Variants in BCAN observed in about 807,000 individuals in gnomAD.
The protein encoded by BCAN is brevican.
A neutral mutation model predicts 92.4 loss-of-function variants in BCAN; 51 were observed. That is an observed-to-expected ratio of 0.55 (90% CI 0.44 to 0.70). The LOEUF (loss-of-function observed/expected upper bound fraction) is 0.70, where lower values mean the gene tolerates loss of function less well. BCAN is among the 30% of genes least tolerant of loss of function. The probability of loss-of-function intolerance (pLI) is 0.00; values close to 1 mark genes in which losing one functional copy is unlikely to be tolerated. For missense variants in BCAN, 1,140 were observed against 1,212.1 expected, an observed-to-expected ratio of 0.94 and a Z score of 0.88; for synonymous variants, 501 against 505.2, an observed-to-expected ratio of 0.99 and a Z score of 0.11.
Position 156,658,647 on chromosome 1 carries a change from C to A in BCAN, c.2542C>A (p.Leu848Met). The change falls in exon 13 of 14, where the codon CTG becomes ATG. Residue 848 changes from leucine to methionine, a missense_variant. Leu to Met is a conservative substitution (Grantham distance 15). Coordinates refer to ENST00000329117, the MANE Select transcript of BCAN (RefSeq NM_021948.5). This position sits in a 1 kb window ranked among gnomAD's most constrained non-coding sequence, Gnocchi z 4.4. ...TVLRYRCREG[L>M]AQRNLPLIRC... ...GCTTCGCTACCGGTGCCGGGAAGGACTGGCCCAGCGCAATCTGCCGCTGAT... is the reference window on the plus strand; with the variant it reads ...GCTTCGCTACCGGTGCCGGGAAGGAATGGCCCAGCGCAATCTGCCGCTGAT... The A allele has an allele frequency of 1.2e-6, 2 of 1,614,186 alleles. No individual in the cohort carries two copies. The highest frequency in any genetic ancestry group is 1.7e-6 in the Non-Finnish European group (2 of 1,180,048).
intron 9 of BCAN, 141 bp downstream of exon 9, chr1:156,656,530 A>G: frequency 1.6e-6 from 1 of 615,452 alleles, no homozygotes; most frequent in Non-Finnish European, 2.5e-6. Context: ...AACTTCTTTG[A>G]GTCCTACCCT....
chr1:156,647,752 G>A lies in BCAN; in HGVS notation c.641+70G>A. The A allele has an allele frequency of 6.4e-7, 1 of 1,556,956 alleles. No individual in the cohort carries two copies. Among genetic ancestry groups the A allele is most frequent in the Non-Finnish European group, 8.7e-7 (1 of 1,144,742 alleles). On this transcript the variant is annotated intron_variant, in intron 4 of 13. Coordinates refer to ENST00000329117, the MANE Select transcript of BCAN (RefSeq NM_021948.5). The surrounding 1 kb of genome is among the most constrained non-coding windows in gnomAD (Gnocchi z 4.8). ...GGCCATGGCCCCCCTTCTGCTGGGTGCTGCCTGCTGTGTCAGGCTGGACAT... is the reference window on the plus strand; with the variant it reads ...GGCCATGGCCCCCCTTCTGCTGGGTACTGCCTGCTGTGTCAGGCTGGACAT...
chr1:156,655,678 G>A (rs1239292631), intron 8 of BCAN, among the ~76,000 whole-genome samples: 4 of 152,206 alleles, frequency 2.6e-5, no homozygotes, highest in Non-Finnish European at 2.9e-5. Context: ...TGACTGCCCA[G>A]TGGACAGCAG....
rs747559084 is a variant in BCAN at position 156,651,470 on chromosome 1, T to G, written c.1078T>G (p.Ser360Ala). The G allele has an allele frequency of 1.2e-6, 2 of 1,613,886 alleles. No individual in the cohort carries two copies. The highest frequency in any genetic ancestry group is 2.7e-5 in the African/African-American group (2 of 75,048). ...TCCTGCCACAGACTCGGCCCAGCCT[T>G]CTGCCATCCCTGAGGCCTCCAACCC... ...VYCFRDSAQP[S>A]AIPEASNPAS... The change falls in exon 7 of 14, where the codon TCT becomes GCT. Residue 360 changes from serine to alanine, a missense_variant. Ser to Ala is a moderately conservative substitution (Grantham distance 99, BLOSUM62 1). Coordinates refer to ENST00000329117, the MANE Select transcript of BCAN (RefSeq NM_021948.5).
chr1:156,653,562 T>C (rs931521148), intron 8 of BCAN: 9 of 979,202 alleles, frequency 9.2e-6, no homozygotes, highest in Middle Eastern at 1.0e-3. Context: ...GCTTCTTCTC[T>C]GGCTCCATGT....
chr1:156,647,892 A>G lies in BCAN; in HGVS notation c.642-91A>G. On this transcript the variant is annotated intron_variant, in intron 4 of 13. Transcript: ENST00000329117. The surrounding 1 kb of genome is among the most constrained non-coding windows in gnomAD (Gnocchi z 4.8). ...CAGCCAGCTGTCAGCAAGTGTCTGC[A>G]CTGTGGTGGCAGTGGGGTTCAATAG... is the stretch of plus-strand genomic sequence containing the variant. 6.3e-7 allele frequency: 1 copy of G among 1,582,892 alleles called. No individual in the cohort carries two copies. Among genetic ancestry groups the G allele is most frequent in the East Asian group, 2.2e-5 (1 of 44,620 alleles).
chr1:156,646,171 G>A (rs756204881), intron 2 of BCAN, 26 bp downstream of exon 2: 5 of 1,603,990 alleles, frequency 3.1e-6, no homozygotes, highest in Non-Finnish European at 3.4e-6. Context: ...TGGGGTCACC[G>A]TCTCTGTCTT....
In BCAN at chr1:156,647,899, T is replaced by G. The variant is rs765063991; in HGVS notation, c.642-84T>G. ...CTGTCAGCAAGTGTCTGCACTGTGGTGGCAGTGGGGTTCAATAGAATCAAT... is the reference window on the plus strand; with the variant it reads ...CTGTCAGCAAGTGTCTGCACTGTGGGGGCAGTGGGGTTCAATAGAATCAAT... On this transcript the variant is annotated intron_variant, in intron 4 of 13. Transcript: ENST00000329117. The surrounding 1 kb of genome is among the most constrained non-coding windows in gnomAD (Gnocchi z 4.8). The G allele has an allele frequency of 6.3e-7, 1 of 1,587,308 alleles. No individual in the cohort carries two copies. The highest frequency in any genetic ancestry group is 8.6e-7 in the Non-Finnish European group (1 of 1,156,196).
At chr1:156,653,248 T>A in intron 8 of BCAN, 1 of 1,221,408 alleles carries the variant, frequency 8.2e-7, no homozygotes, top group East Asian at 3.5e-5. Context: ...GGGCTCGGCC[T>A]ATTTTCCACT....
intron 7 of BCAN, 71 bp downstream of exon 7, chr1:156,651,760 T>C (rs1679173506): frequency 7.3e-7 from 1 of 1,366,536 alleles, no homozygotes; most frequent in Non-Finnish European, 1.0e-6. Flanking sequence ...CAAGCCCAGG[T>C]TGATGCTAGG....
In BCAN at chr1:156,642,767, G is replaced by C. The variant is rs1204156505; in HGVS notation, c.-9+492G>C. ...AGGGGGTGGTCGGAGTGCCCATTTCGGCTGGAATCCCAACTCGGCTCCTTG... is the reference window on the plus strand; with the variant it reads ...AGGGGGTGGTCGGAGTGCCCATTTCCGCTGGAATCCCAACTCGGCTCCTTG... On this transcript the variant is annotated intron_variant, in intron 1 of 13. Transcript: ENST00000329117. The surrounding 1 kb of genome is among the most constrained non-coding windows in gnomAD (Gnocchi z 4.2). 1 of 152,250 alleles carries C rather than the reference G, an allele frequency of 6.6e-6. No individual in the cohort carries two copies. The highest frequency in any genetic ancestry group is 1.5e-5 in the Non-Finnish European group (1 of 68,066). The allele number at this position is 152,250 out of a possible 1,614,324, so 9.4% of individuals were successfully genotyped here. A position where few individuals can be genotyped will look rare whatever the true frequency, so the allele number is the denominator to read the frequency against.
At chr1:156,653,136 C>T (rs986501016) in intron 8 of BCAN, 52 of 1,406,160 alleles carry the variant, frequency 3.7e-5, no homozygotes, top group Middle Eastern at 2.5e-4. Flanking sequence ...ATCTGTGACC[C>T]TTCCCTGCCA....
At position 156,647,624 on chromosome 1, in the gene BCAN, G is replaced by A. The variant is rs532500157; in HGVS notation, c.583G>A (p.Ala195Thr). The change falls in exon 4 of 14, where the codon GCC becomes ACC. Residue 195 changes from alanine (A) to threonine (T), a missense_variant. Ala to Thr is a moderately conservative substitution (Grantham distance 58). Around this residue, in one of 3 missense-constraint regions of BCAN, gnomAD observed 286 missense variants for 284.1 expected, o/e 1.01. Transcript: ENST00000329117. This position sits in a 1 kb window ranked among gnomAD's most constrained non-coding sequence, Gnocchi z 4.8. ...CGCCACCCCGGAGCAGCTCTATGCC[G>A]CCTACCTTGGGGGCTATGAGCAATG... The part of the protein sequence containing the change: ...HIATPEQLYA[A>T]YLGGYEQCDA... 23 of 1,612,372 alleles carry A rather than the reference G, an allele frequency of 1.4e-5. No individual in the cohort carries two copies. The highest frequency in any genetic ancestry group is 5.3e-5 in the African/African-American group (4 of 74,990).
intron 6 of BCAN, among the ~76,000 whole-genome samples, chr1:156,651,166 GT>G (rs1679150536): frequency 6.6e-6 from 1 of 152,186 alleles, no homozygotes. Flanking sequence ...TATAATATAT[GT>G]TTGTTTGTCA....
Position 156,648,573 on chromosome 1 carries a change from C to T in BCAN, c.775C>T (p.Leu259=), listed in dbSNP as rs776534351. Residue 259 remains leucine (L), a synonymous_variant, in exon 6 of 14, where the codon CTG becomes TTG. Transcript: ENST00000329117. ...GCCTTCTCTTCTCCACCCAGGAGAA[C>T]TGTTCCTGGGTGACCCTCCAGAGAA... ...YCYAEDLNGE[L]FLGDPPEKLT... 9 of 1,584,378 alleles carry T rather than the reference C, an allele frequency of 5.7e-6. No individual in the cohort carries two copies. Among genetic ancestry groups the T allele is most frequent in the Non-Finnish European group, 8.6e-7 (1 of 1,156,444 alleles).
rs773990407 is a variant in BCAN, at chr1:156,657,658, C to G, written c.2210-17C>G. 1.3e-6 allele frequency: 2 copies of G among 1,598,112 alleles called. No homozygotes were observed. Among genetic ancestry groups the G allele is most frequent in the Non-Finnish European group, 1.7e-6 (2 of 1,173,736 alleles). On this transcript the variant is annotated splice_polypyrimidine_tract_variant and intron_variant, in intron 10 of 13. Coordinates refer to ENST00000329117, the MANE Select transcript of BCAN (RefSeq NM_021948.5). ...TCTGCTGGCGGCTGCGCTCACTGCA[C>G]GCCTTCGTCTCCCTAGACCGGTACC...
chr1:156,646,624 G>C (rs1451171884), intron 2 of BCAN, 177 bp from the exon 3 acceptor site: 5 of 1,091,334 alleles, frequency 4.6e-6, no homozygotes, highest in Non-Finnish European at 6.3e-6. Flanking sequence ...GGGTGGTCCT[G>C]GAGGACCTAG....
chr1:156,650,897 C>A (rs552172023), intron 6 of BCAN, among the ~76,000 whole-genome samples: 1 of 152,180 alleles, frequency 6.6e-6, no homozygotes, highest in African/African-American at 2.4e-5. Context: ...GAGCTGGGAT[C>A]GTGCCACTGC....
intron 10 of BCAN, 181 bp downstream of exon 10, chr1:156,657,277 A>G (rs2236602): frequency 0.062 from 58,073 of 929,918 alleles, 3,151 homozygotes; most frequent in African/African-American, 0.23. Flanking sequence ...ACGCTTAGGC[A>G]GTGGCCTTCG....
Sources: gnomAD v4.1 joint callset for allele counts (sites outside exome capture counted in the v4.1 genomes callset) on GRCh38, gnomAD v4.1.1 for gene constraint, gnomAD v4.1.1 regional missense constraint, Gnocchi (gnomAD v3.1) non-coding constraint, MANE v1.5 for transcripts, NCBI Gene and HGNC (gene_info 2026-07-23, HGNC 2026-07-21) for gene names.